Variants in SNED1 observed in about 807,000 individuals in gnomAD.
SNED1 encodes the protein sushi, nidogen and EGF-like domain-containing protein 1.
In SNED1, 81 loss-of-function variants were observed where a neutral mutation model predicts 166.7. The observed-to-expected ratio is 0.49, with a 90% CI of 0.41 to 0.58. The LOEUF (loss-of-function observed/expected upper bound fraction) is 0.58, where lower values mean the gene tolerates loss of function less well. Ranked by LOEUF, SNED1 falls within the 20% of genes least tolerant of loss-of-function variation. The pLI is 0.00. For missense variants in SNED1, 1,604 were observed against 2,000.2 expected, an observed-to-expected ratio of 0.80 and a Z score of 3.78; for synonymous variants, 762 against 822.0, an observed-to-expected ratio of 0.93 and a Z score of 1.25.
rs1047939256 is a variant in SNED1 at position 241,064,355 on chromosome 2, A to C, written c.2599+230A>C. 6.6e-6 allele frequency among the ~76,000 whole-genome samples: 1 copy of C among 151,820 alleles called. No homozygotes were observed. The highest frequency in any genetic ancestry group is 1.5e-5 in the Non-Finnish European group (1 of 67,930). ...TCCCCATCTCCTGCGCTCACCCCCCAGACACCCCTCTTCACCCGAGGACAC... is the reference window on the plus strand; with the variant it reads ...TCCCCATCTCCTGCGCTCACCCCCCCGACACCCCTCTTCACCCGAGGACAC... On this transcript the variant is annotated intron_variant, in intron 19 of 31. Transcript: ENST00000310397. The surrounding 1 kb of genome is among the most constrained non-coding windows in gnomAD (Gnocchi z 7.0).
intron 16 of SNED1, among the ~76,000 whole-genome samples, chr2:241,057,377 C>CAAAAAAAAA (rs1177179331): frequency 1.3e-5 from 1 of 75,120 alleles, no homozygotes; most frequent in African/African-American, 9.2e-5. Context: ...AACTCCATCT[C>CAAAAAAAAA]AAAATATATA....
chr2:241,085,906 G>GC (rs2063552254), intron 29 of SNED1, among the ~76,000 whole-genome samples: 1 of 125,078 alleles, frequency 8.0e-6, no homozygotes, highest in East Asian at 2.6e-4. Flanking sequence ...TTGCTCTGTC[G>GC]CCCAGGCTGG....
rs113841789 is a variant in SNED1 at position 241,073,244 on chromosome 2, G to A, written c.3818-22G>A. 584 of 1,542,110 alleles carry A rather than the reference G, an allele frequency of 3.8e-4. No individual in the cohort carries two copies. In the African/African-American group the frequency reaches 6.3e-3, roughly 17 times the overall value. On this transcript the variant is annotated intron_variant, in intron 26 of 31. Transcript: ENST00000310397. The surrounding 1 kb of genome is among the most constrained non-coding windows in gnomAD (Gnocchi z 6.6). The stretch of plus-strand genomic sequence containing the variant: ...GGGTGCAAAGCAGCTGCGCCGTGTG[G>A]TCACCGCCTGGCTTCTCCTAGAACC...
chr2:241,033,340 C>T (rs10169132), intron 2 of SNED1, among the ~76,000 whole-genome samples: 4,019 of 152,312 alleles, frequency 0.026, 175 homozygotes, highest in African/African-American at 0.092. Flanking sequence ...GACTGTTAAA[C>T]GCTGCAGCAC....
intron 16 of SNED1, among the ~76,000 whole-genome samples, chr2:241,057,693 AAATT>A (rs1298507267): frequency 6.6e-6 from 1 of 152,084 alleles, no homozygotes; most frequent in African/African-American, 2.4e-5. Flanking sequence ...AAAAAATTAA[AAATT>A]AAGAAATAAA....
intron 27 of SNED1, among the ~76,000 whole-genome samples, chr2:241,076,607 A>AT (rs1027453723): frequency 5.3e-5 from 8 of 152,196 alleles, no homozygotes; most frequent in Admixed American, 4.6e-4. Context: ...CACACCTGTA[A>AT]TCCCAGCACT....
At chr2:241,005,603 A>T (rs1368170054) in intron 1 of SNED1, among the ~76,000 whole-genome samples, 1 of 152,068 alleles carries the variant, frequency 6.6e-6, no homozygotes, top group East Asian at 1.9e-4. Flanking sequence ...CTGTTTTTTT[A>T]AAATCTGAAA....
rs1181102677 is a variant in SNED1 at position 241,034,554 on chromosome 2, C to G, written c.643-14C>G. On this transcript the variant is annotated splice_polypyrimidine_tract_variant and intron_variant, in intron 3 of 31. Coordinates refer to ENST00000310397, the MANE Select transcript of SNED1 (RefSeq NM_001080437.3). ...GAACTGGCCTCCCTCACTCTGCCCC[C>G]ACCCCACCCCCAGGCTGGCTTCAAC... 1.3e-6 allele frequency: 2 copies of G among 1,574,900 alleles called. No individual in the cohort carries two copies. The highest frequency in any genetic ancestry group is 2.3e-5 in the South Asian group (2 of 85,534).
At chr2:241,011,948 C>T (rs973197197) in intron 1 of SNED1, among the ~76,000 whole-genome samples, 1 of 152,178 alleles carries the variant, frequency 6.6e-6, no homozygotes, top group Non-Finnish European at 1.5e-5. Flanking sequence ...CAGCCCCCAG[C>T]GGGGAGGGCA....
rs2060491449 is a variant in SNED1, at chr2:241,013,820, TTATC to T, written c.213+14771_213+14774del. On this transcript the variant is annotated intron_variant, in intron 1 of 31. Coordinates refer to ENST00000310397, the MANE Select transcript of SNED1 (RefSeq NM_001080437.3). This position sits in a 1 kb window ranked among gnomAD's most constrained non-coding sequence, Gnocchi z 4.6. ...TCTGTATATATACACCACATTTTGT[TTATC>T]CATTCATCCGTCAGCAAACACTTAG... Among the ~76,000 whole-genome samples the T allele has an allele frequency of 2.0e-5, 3 of 152,218 alleles. No homozygotes were observed. The highest frequency in any genetic ancestry group is 4.1e-4 in the South Asian group (2 of 4,830).
chr2:241,008,311 C>T lies in SNED1; in HGVS notation c.213+9261C>T, dbSNP rs190071703. Reference sequence around the variant, plus strand: ...CCTCCGAGGGCTGCTCGTGGTGACCCGGGGCACTCCTAACTAACCTACTCT... The same window carrying T: ...CCTCCGAGGGCTGCTCGTGGTGACCTGGGGCACTCCTAACTAACCTACTCT... On this transcript the variant is annotated intron_variant, in intron 1 of 31. Coordinates refer to ENST00000310397, the MANE Select transcript of SNED1 (RefSeq NM_001080437.3). Among the ~76,000 whole-genome samples the T allele has an allele frequency of 1.2e-3, 189 of 152,342 alleles. 1 individual carries two copies. Among genetic ancestry groups the T allele is most frequent in the African/African-American group, 4.3e-3 (177 of 41,576 alleles).
At chr2:241,087,955 G>A (rs750661029) in intron 30 of SNED1, 6 of 395,772 alleles carry the variant, frequency 1.5e-5, no homozygotes, top group African/African-American at 6.2e-5. Flanking sequence ...GCCTGTCATC[G>A]TCCTCATAGA....
rs536325056 is a variant in SNED1, at chr2:241,069,452, G to T, written c.3307+429G>T. ...AGGGGTGACAGCATGGACAGTCAGCGCGCAGGGGAGGGACAGGTGAACTGG... is the reference window on the plus strand; with the variant it reads ...AGGGGTGACAGCATGGACAGTCAGCTCGCAGGGGAGGGACAGGTGAACTGG... On this transcript the variant is annotated intron_variant, in intron 23 of 31. Coordinates refer to ENST00000310397, the MANE Select transcript of SNED1 (RefSeq NM_001080437.3). This position sits in a 1 kb window ranked among gnomAD's most constrained non-coding sequence, Gnocchi z 4.9. 6.6e-6 allele frequency among the ~76,000 whole-genome samples: 1 copy of T among 152,152 alleles called. No homozygotes were observed. The highest frequency in any genetic ancestry group is 2.4e-5 in the African/African-American group (1 of 41,432).
intron 1 of SNED1, among the ~76,000 whole-genome samples, chr2:241,007,306 G>A (rs1285851988): frequency 2.6e-5 from 4 of 152,318 alleles, no homozygotes; most frequent in Admixed American, 6.5e-5. Flanking sequence ...CGGCCAAACC[G>A]CGTTCTCCCA....
chr2:241,048,511 T>G (rs2125084668), intron 9 of SNED1, 71 bp downstream of exon 9: 1 of 1,529,174 alleles, frequency 6.5e-7, no homozygotes, highest in East Asian at 2.3e-5. Context: ...TTCCTGTGGG[T>G]GCATGCAGGA....
At chr2:241,038,510 A>G (rs541339124) in intron 6 of SNED1, among the ~76,000 whole-genome samples, 1 of 152,376 alleles carries the variant, frequency 6.6e-6, no homozygotes, top group South Asian at 2.1e-4. Context: ...TGGGCTTGCC[A>G]GTGTGTTTAC....
chr2:241,062,828 G>A lies in SNED1; in HGVS notation c.2295G>A (p.Gly765=). 1 of 1,611,974 alleles carries A rather than the reference G, an allele frequency of 6.2e-7. No individual in the cohort carries two copies. Among genetic ancestry groups the A allele is most frequent in the South Asian group, 1.1e-5 (1 of 90,376 alleles). Residue 765 remains glycine (G), a synonymous_variant, in exon 17 of 32, where the codon GGG becomes GGA. Transcript: ENST00000310397. ...DECRSQPCLH[G]GSCQDRVAGY... ...GCCGGTCTCAGCCGTGCCTGCATGG[G>A]GGCTCTTGTCAGGACCGCGTTGCTG...
chr2:241,071,106 G>C (rs2062690572), intron 24 of SNED1, among the ~76,000 whole-genome samples: 3 of 152,294 alleles, frequency 2.0e-5, no homozygotes, highest in Non-Finnish European at 4.4e-5. Flanking sequence ...GGCCCAGCCT[G>C]GGAGGCTGAA....
chr2:241,017,160 T>A (rs2060623509), intron 1 of SNED1, among the ~76,000 whole-genome samples: 1 of 152,170 alleles, frequency 6.6e-6, no homozygotes, highest in Non-Finnish European at 1.5e-5. Context: ...CAAGTTGCAT[T>A]TTTCTAGAAC....
Sources: gnomAD v4.1 joint callset for allele counts (sites outside exome capture counted in the v4.1 genomes callset) on GRCh38, gnomAD v4.1.1 for gene constraint, Gnocchi (gnomAD v3.1) non-coding constraint, MANE v1.5 for transcripts, NCBI Gene and HGNC (gene_info 2026-07-23, HGNC 2026-07-21) for gene names.